Variants in F13A1 observed in about 807,000 individuals in gnomAD.
The protein encoded by F13A1 is coagulation factor XIII A chain.
F13A1 carries 47 observed loss-of-function variants against 80.1 expected under a neutral mutation model. The ratio of observed to expected loss-of-function variants is 0.59; its 90% confidence interval spans 0.46 to 0.75. The LOEUF (loss-of-function observed/expected upper bound fraction) is 0.75. F13A1 is among the 30% of genes least tolerant of loss of function. The probability of loss-of-function intolerance (pLI) is 0.00; values close to 1 mark genes in which losing one functional copy is unlikely to be tolerated. For missense variants in F13A1, 817 were observed against 930.4 expected, an observed-to-expected ratio of 0.88 and a Z score of 1.59; for synonymous variants, 349 against 344.9, an observed-to-expected ratio of 1.01 and a Z score of -0.13.
intron 2 of F13A1, among the ~76,000 whole-genome samples, chr6:6,312,360 CT>C (rs766676415): frequency 1.3e-5 from 2 of 151,674 alleles, no homozygotes; most frequent in Admixed American, 6.6e-5. Context: ...TAAAACTTTC[CT>C]GTATAATCTC....
intron 13 of F13A1, among the ~76,000 whole-genome samples, chr6:6,154,971 C>T (rs975077760): frequency 1.3e-5 from 2 of 152,160 alleles, no homozygotes; most frequent in Non-Finnish European, 2.9e-5. Context: ...TAAGGATGGG[C>T]ATAAGCCCCT....
At chr6:6,145,830 G>A (rs1213463827) in intron 14 of F13A1, 58 bp from the exon 15 acceptor site, 2 of 1,611,706 alleles carry the variant, frequency 1.2e-6, no homozygotes, top group Admixed American at 3.3e-5. Context: ...CTTTGATCAG[G>A]AAGCAATGAA....
intron 13 of F13A1, among the ~76,000 whole-genome samples, chr6:6,165,506 A>G (rs1406175739): frequency 3.9e-5 from 6 of 152,212 alleles, no homozygotes; most frequent in Non-Finnish European, 8.8e-5. Flanking sequence ...AGACCTTCAC[A>G]GGGACAGGCC....
chr6:6,210,112 C>T (rs1178719091), intron 8 of F13A1, among the ~76,000 whole-genome samples: 1 of 150,868 alleles, frequency 6.6e-6, no homozygotes, highest in Non-Finnish European at 1.5e-5. Context: ...TGCCTGTAGT[C>T]CCAGCTACTA....
chr6:6,219,840 T>C (rs962102290), intron 8 of F13A1, among the ~76,000 whole-genome samples: 1 of 152,190 alleles, frequency 6.6e-6, no homozygotes, highest in African/African-American at 2.4e-5. Flanking sequence ...TCTGACCGCT[T>C]TGATGTACTT....
chr6:6,156,924 T>C (rs971622175), intron 13 of F13A1, among the ~76,000 whole-genome samples: 2 of 152,212 alleles, frequency 1.3e-5, no homozygotes, highest in Non-Finnish European at 2.9e-5. Flanking sequence ...GAAAGTTCTA[T>C]CAACTCACTT....
At chr6:6,232,920 C>G (rs1307462262) in intron 6 of F13A1, among the ~76,000 whole-genome samples, 1 of 152,050 alleles carries the variant, frequency 6.6e-6, no homozygotes, top group African/African-American at 2.4e-5. Flanking sequence ...AATAATGACA[C>G]AACTTATCAA....
chr6:6,179,484 A>T (rs1285716406), intron 11 of F13A1, among the ~76,000 whole-genome samples: 1 of 152,194 alleles, frequency 6.6e-6, no homozygotes, highest in African/African-American at 2.4e-5. Context: ...AAGAGATTCA[A>T]CGGTGAGAAT....
At chr6:6,171,603 A>G (rs1760775633) in intron 12 of F13A1, among the ~76,000 whole-genome samples, 1 of 152,094 alleles carries the variant, frequency 6.6e-6, no homozygotes, top group African/African-American at 2.4e-5. Flanking sequence ...CTTCCGCCCT[A>G]CTTCCTCTTT....
chr6:6,313,989 T>TTTTTTTTTTTTTTTTTTTTTA (rs1758644161), intron 2 of F13A1, among the ~76,000 whole-genome samples: 1 of 148,812 alleles, frequency 6.7e-6, no homozygotes. Flanking sequence ...CCTTACTCTT[T>TTTTTTTTTTTTTTTTTTTTTA]TTTTTTTTTG....
chr6:6,191,060 G>A (rs532495216), intron 10 of F13A1, among the ~76,000 whole-genome samples: 241 of 152,384 alleles, frequency 1.6e-3, no homozygotes, highest in African/African-American at 5.2e-3. Flanking sequence ...CCCGAGTGAG[G>A]CAATGCCTCA....
chr6:6,319,319 G>A (rs992748804), intron 1 of F13A1, among the ~76,000 whole-genome samples: 2 of 152,210 alleles, frequency 1.3e-5, no homozygotes, highest in African/African-American at 4.8e-5. Context: ...AATCCACTTA[G>A]GGGTGAGGAG....
intron 4 of F13A1, among the ~76,000 whole-genome samples, chr6:6,252,570 A>G (rs954447340): frequency 6.6e-6 from 1 of 152,236 alleles, no homozygotes; most frequent in African/African-American, 2.4e-5. Context: ...AATCTTGATA[A>G]CCATTAACTC....
chr6:6,318,262 G>A (rs1193036055), intron 2 of F13A1, among the ~76,000 whole-genome samples: 1 of 152,238 alleles, frequency 6.6e-6, no homozygotes, highest in Non-Finnish European at 1.5e-5. Context: ...TGGTTTTGTA[G>A]AGGAAATAGT....
intron 13 of F13A1, among the ~76,000 whole-genome samples, chr6:6,155,883 T>A (rs189708090): frequency 3.3e-5 from 5 of 152,350 alleles, no homozygotes; most frequent in African/African-American, 1.2e-4. Flanking sequence ...GCTGAAAGCA[T>A]AATTCCATAT....
intron 8 of F13A1, among the ~76,000 whole-genome samples, chr6:6,210,748 C>G (rs1013734331): frequency 1.6e-4 from 24 of 151,366 alleles, no homozygotes; most frequent in African/African-American, 5.8e-4. Flanking sequence ...ATTTTTGAGA[C>G]CAAGTCTCAC....
chr6:6,182,336 C>T (rs1184081155), intron 10 of F13A1, among the ~76,000 whole-genome samples, 195 bp from the exon 11 acceptor site: 3 of 152,156 alleles, frequency 2.0e-5, no homozygotes, highest in Non-Finnish European at 1.5e-5. Flanking sequence ...TTTAGTAGTA[C>T]TTTAAATAAA....
intron 8 of F13A1, among the ~76,000 whole-genome samples, chr6:6,204,992 G>A (rs1272211045): frequency 6.6e-6 from 1 of 152,248 alleles, no homozygotes; most frequent in Non-Finnish European, 1.5e-5. Flanking sequence ...GCCACCTGGG[G>A]AAGCCCTGGG....
At chr6:6,307,242 T>C (rs918680971) in intron 2 of F13A1, among the ~76,000 whole-genome samples, 3 of 152,172 alleles carry the variant, frequency 2.0e-5, no homozygotes, top group Non-Finnish European at 4.4e-5. Flanking sequence ...CGGGTTACCC[T>C]GACTGCAGCA....
Sources: allele counts gnomAD v4.1 joint callset (sites outside exome capture counted in the v4.1 genomes callset), GRCh38; gene constraint gnomAD v4.1.1; transcripts MANE v1.5; gene names NCBI Gene and HGNC (gene_info 2026-07-23, HGNC 2026-07-21).